NCOA1: variants seen among roughly 807,000 people sequenced by gnomAD.
NCOA1 encodes nuclear receptor coactivator 1.
In NCOA1, 35 loss-of-function variants were observed where a neutral mutation model predicts 150.9. The observed-to-expected ratio is 0.23, with a 90% confidence interval of 0.18 to 0.31. The LOEUF is 0.31. Among genes scored for constraint, NCOA1 ranks in the 10% least tolerant of loss-of-function variants. The pLI is 1.00. For missense variants in NCOA1, 1,491 were observed against 1,749.3 expected (o/e 0.85, Z 2.63); for synonymous variants, 590 against 630.0 (o/e 0.94, Z 0.95).
intron 3 of NCOA1, among the ~76,000 whole-genome samples, chr2:24,637,444 A>G (rs1280349946): frequency 6.6e-6 from 1 of 151,798 alleles, no homozygotes; most frequent in African/African-American, 2.4e-5. Flanking sequence ...ACCAACCCAA[A>G]TGTCCAACAA....
chr2:24,575,526 C>T (rs751719993), intron 2 of NCOA1, among the ~76,000 whole-genome samples: 2 of 150,650 alleles, frequency 1.3e-5, no homozygotes, highest in East Asian at 1.9e-4. Context: ...GTAAATTTCA[C>T]GTTACTGGAT....
Position 24,768,502 on chromosome 2 carries a change from C to T in NCOA1, c.*111C>T, listed in dbSNP as rs1390145115. The T allele has an allele frequency of 1.2e-5, 2 of 163,696 alleles. No individual in the cohort carries two copies. Among genetic ancestry groups the T allele is most frequent in the African/African-American group, 3.3e-5 (1 of 30,646 alleles). 10.1% of individuals were successfully genotyped at this position (163,696 alleles called of 1,614,324 possible). On this transcript the variant is annotated 3_prime_UTR_variant, in exon 23 of 23. Transcript: ENST00000348332. The stretch of plus-strand genomic sequence containing the variant: ...CTCAATCTGCAGCCATTCTTCAGGT[C>T]GTAGCATTTGGAGCAAAAAAAAAAA...
intron 22 of NCOA1, among the ~76,000 whole-genome samples, chr2:24,765,187 AAGAG>A (rs562317300): frequency 1.5e-4 from 23 of 151,424 alleles, no homozygotes; most frequent in South Asian, 1.3e-3. Flanking sequence ...AAAAAAAAAA[AAGAG>A]AGAGAGAGAG....
chr2:24,740,801 C>T (rs1663563906), intron 18 of NCOA1, among the ~76,000 whole-genome samples: 1 of 152,158 alleles, frequency 6.6e-6, no homozygotes, highest in African/African-American at 2.4e-5. Flanking sequence ...ATCAGAAAGT[C>T]TTATTTCATA....
At chr2:24,566,397 G>C (rs1470650609) in intron 2 of NCOA1, among the ~76,000 whole-genome samples, 1 of 151,854 alleles carries the variant, frequency 6.6e-6, no homozygotes, top group Non-Finnish European at 1.5e-5. Flanking sequence ...TCCATTGTGT[G>C]CTCAGCTTTC....
intron 20 of NCOA1, 109 bp downstream of exon 20, chr2:24,752,265 A>G (rs1035403272): frequency 6.9e-6 from 9 of 1,296,170 alleles, no homozygotes; most frequent in Non-Finnish European, 9.4e-6. Flanking sequence ...AAGTGAAAGA[A>G]GGCCGGACAC....
intron 1 of NCOA1, among the ~76,000 whole-genome samples, chr2:24,496,370 G>C (rs1315067344): frequency 6.6e-6 from 1 of 152,188 alleles, no homozygotes; most frequent in Non-Finnish European, 1.5e-5. Context: ...ACTGTAAAGT[G>C]CTACGCAATG....
At chr2:24,504,827 A>G (rs979101386) in intron 1 of NCOA1, among the ~76,000 whole-genome samples, 1 of 152,248 alleles carries the variant, frequency 6.6e-6, no homozygotes, top group African/African-American at 2.4e-5. Context: ...AAGAAAAGTG[A>G]GAGAGGGAGT....
At chr2:24,695,797 A>G (rs1264899256) in intron 10 of NCOA1, among the ~76,000 whole-genome samples, 1 of 152,172 alleles carries the variant, frequency 6.6e-6, no homozygotes, top group Non-Finnish European at 1.5e-5. Context: ...GATAGTCATT[A>G]TATTACCCAT....
intron 1 of NCOA1, among the ~76,000 whole-genome samples, chr2:24,542,898 T>C (rs1405402772): frequency 6.6e-6 from 1 of 152,226 alleles, no homozygotes; most frequent in African/African-American, 2.4e-5. Context: ...GGGGATTTTA[T>C]TTTGATTACT....
chr2:24,651,352 A>G (rs1031477103), intron 4 of NCOA1, among the ~76,000 whole-genome samples: 1 of 152,116 alleles, frequency 6.6e-6, no homozygotes, highest in African/African-American at 2.4e-5. Context: ...TATATATGCA[A>G]TGGAATATTA....
intron 2 of NCOA1, among the ~76,000 whole-genome samples, chr2:24,575,547 G>A (rs980510481): frequency 1.3e-5 from 2 of 149,744 alleles, no homozygotes; most frequent in Non-Finnish European, 3.0e-5. Flanking sequence ...GCTAGGTTTT[G>A]TGATAAAGAG....
chr2:24,523,622 A>T, intron 1 of NCOA1, among the ~76,000 whole-genome samples: 2 of 132,908 alleles, frequency 1.5e-5, no homozygotes, highest in Non-Finnish European at 3.3e-5. Flanking sequence ...AAAAAAAAAA[A>T]AAAAAAAAGA....
intron 8 of NCOA1, among the ~76,000 whole-genome samples, chr2:24,689,109 T>G (rs1217385428): frequency 6.6e-6 from 1 of 152,156 alleles, no homozygotes; most frequent in Non-Finnish European, 1.5e-5. Flanking sequence ...ACCATACTGT[T>G]TTTGTTACTG....
rs773342690 is a variant in NCOA1 at position 24,707,310 on chromosome 2, C to G, written c.1840C>G (p.His614Asp). Residue 614 changes from histidine (H) to aspartate (D), a missense_variant, in exon 13 of 23, where the codon CAT becomes GAT. By Grantham distance (81) the His-to-Asp change is moderately conservative. Transcript: ENST00000348332. ...DGKPLDSGLLHNNDRLSDGDS... is the reference protein window; with the variant it reads ...DGKPLDSGLLDNNDRLSDGDS... ...CAAACCTCTGGATTCAGGGCTTCTGCATAACAATGACAGACTTTCAGATGG... is the reference window on the plus strand; with the variant it reads ...CAAACCTCTGGATTCAGGGCTTCTGGATAACAATGACAGACTTTCAGATGG... The G allele has an allele frequency of 6.2e-7, 1 of 1,614,216 alleles. No homozygotes were observed. Among genetic ancestry groups the G allele is most frequent in the Non-Finnish European group, 8.5e-7 (1 of 1,180,040 alleles).
rs745603479 is a variant in NCOA1 at position 24,707,741 on chromosome 2, G to C, written c.2271G>C (p.Glu757Asp). The C allele has an allele frequency of 6.2e-7, 1 of 1,614,122 alleles. No individual in the cohort carries two copies. Among genetic ancestry groups the C allele is most frequent in the South Asian group, 1.1e-5 (1 of 91,074 alleles). Reference protein sequence around the residue: ...QLLRYLLDKDEKDLRSTPNLS... With the variant: ...QLLRYLLDKDDKDLRSTPNLS... ...TACGCTATCTTTTAGATAAAGATGA[G>C]AAAGATTTAAGATCAACTCCAAACC... The change falls in exon 13 of 23, where the codon GAG (glutamate) becomes GAC (aspartate). Residue 757 changes from glutamate to aspartate, a missense_variant. By Grantham distance (45) the Glu-to-Asp change is conservative. Transcript: ENST00000348332.
chr2:24,745,157 CT>C (rs201221705), intron 19 of NCOA1, among the ~76,000 whole-genome samples: 3,972 of 131,652 alleles, frequency 0.03, 52 homozygotes, highest in South Asian at 0.048. Context: ...TTTCTTTTTT[CT>C]TTTTTTTTTT....
intron 2 of NCOA1, among the ~76,000 whole-genome samples, chr2:24,582,169 C>G (rs1667218419): frequency 6.6e-6 from 1 of 152,162 alleles, no homozygotes; most frequent in South Asian, 2.1e-4. Context: ...GTCAAATTGT[C>G]TCTGTTTGCA....
intron 2 of NCOA1, among the ~76,000 whole-genome samples, chr2:24,571,743 C>G (rs926100192): frequency 6.6e-6 from 1 of 152,074 alleles, no homozygotes; most frequent in Non-Finnish European, 1.5e-5. Flanking sequence ...ATAGGGAATC[C>G]AGAGTCCAGC....
Sources: gnomAD v4.1 joint callset for allele counts (sites outside exome capture counted in the v4.1 genomes callset) on GRCh38, gnomAD v4.1.1 for gene constraint, MANE v1.5 for transcripts, NCBI Gene and HGNC (gene_info 2026-07-23, HGNC 2026-07-21) for gene names.